Variants in EGFLAM observed in about 807,000 individuals in gnomAD.
EGFLAM encodes the protein pikachurin.
In EGFLAM, 79 loss-of-function variants were observed where a neutral mutation model predicts 113.1. That is an observed-to-expected ratio of 0.70 (90% confidence interval 0.58 to 0.84). The LOEUF is 0.84. EGFLAM is among the 40% of genes least tolerant of loss of function. The pLI, the probability that EGFLAM is intolerant of heterozygous loss-of-function variation, is 0.00. For synonymous variants in EGFLAM, 504 were observed against 487.6 expected, an observed-to-expected ratio of 1.03 and a Z score of -0.44; for missense variants, 1,265 against 1,291.6, an observed-to-expected ratio of 0.98 and a Z score of 0.32.
chr5:38,419,865 T>C (rs1038354737), intron 12 of EGFLAM, among the ~76,000 whole-genome samples: 6 of 151,802 alleles, frequency 4.0e-5, no homozygotes, highest in African/African-American at 1.5e-4. Context: ...CTGTCTCTAC[T>C]AAAATACAAA....
At chr5:38,451,599 G>A in intron 19 of EGFLAM, 141 bp downstream of exon 19, 2 of 1,253,408 alleles carry the variant, frequency 1.6e-6, no homozygotes, top group Non-Finnish European at 2.2e-6. Context: ...CTTATTGGAA[G>A]CTCCTGGTCT....
At chr5:38,337,145 A>G (rs781306867) in intron 1 of EGFLAM, among the ~76,000 whole-genome samples, 4 of 152,258 alleles carry the variant, frequency 2.6e-5, no homozygotes, top group Non-Finnish European at 4.4e-5. Context: ...TAAAACATAT[A>G]TGCTATTGAG....
chr5:38,413,917 C>G (rs982044199), intron 11 of EGFLAM, among the ~76,000 whole-genome samples: 1 of 152,166 alleles, frequency 6.6e-6, no homozygotes. Flanking sequence ...CCCTCGCATG[C>G]GCAGTTCACA....
chr5:38,294,542 T>A (rs1758408257), intron 1 of EGFLAM, among the ~76,000 whole-genome samples: 2 of 152,024 alleles, frequency 1.3e-5, no homozygotes, highest in Admixed American at 1.3e-4. Context: ...AATACACAGG[T>A]GTTGTATAAT....
chr5:38,415,838 T>C (rs55946607), intron 11 of EGFLAM, among the ~76,000 whole-genome samples: 23,208 of 152,104 alleles, frequency 0.15, 1,884 homozygotes, highest in East Asian at 0.25. Flanking sequence ...TCCTTCTTTA[T>C]GTGGCAGCAG....
intron 1 of EGFLAM, among the ~76,000 whole-genome samples, chr5:38,293,044 T>G (rs1758373001): frequency 6.6e-6 from 1 of 152,234 alleles, no homozygotes; most frequent in South Asian, 2.1e-4. Context: ...ATTGAGACTC[T>G]GACTCCATAT....
chr5:38,308,282 G>C (rs901888933), intron 1 of EGFLAM, among the ~76,000 whole-genome samples: 4 of 152,212 alleles, frequency 2.6e-5, no homozygotes, highest in Non-Finnish European at 5.9e-5. Context: ...TCCTTCACAG[G>C]GCTGTGGGGC....
In EGFLAM at chr5:38,259,945, A is replaced by G. The variant is rs189291671; in HGVS notation, c.97+1094A>G. Reference sequence around the variant, plus strand: ...TCGCATTGAAACTCTCTATCTGGAAATATGACTTGTTGCATTTCGGCTCTG... The same window carrying G: ...TCGCATTGAAACTCTCTATCTGGAAGTATGACTTGTTGCATTTCGGCTCTG... On this transcript the variant is annotated intron_variant, in intron 1 of 21. Transcript: ENST00000322350. 1.7e-3 allele frequency among the ~76,000 whole-genome samples: 260 copies of G among 152,332 alleles called. 1 individual carries two copies. Among genetic ancestry groups the G allele is most frequent in the African/African-American group, 6.2e-3 (256 of 41,580 alleles).
At chr5:38,351,651 G>A (rs912545240) in intron 4 of EGFLAM, among the ~76,000 whole-genome samples, 108 of 152,196 alleles carry the variant, frequency 7.1e-4, no homozygotes, top group African/African-American at 2.4e-3. Context: ...TGAAGTGATG[G>A]GATCATGGGT....
chr5:38,298,969 A>T (rs552278432), intron 1 of EGFLAM, among the ~76,000 whole-genome samples: 46 of 152,298 alleles, frequency 3.0e-4, no homozygotes, highest in Admixed American at 2.6e-3. Flanking sequence ...CTTACCTTGT[A>T]TTAGCTAACT....
At chr5:38,392,858 G>A (rs994896072) in intron 6 of EGFLAM, among the ~76,000 whole-genome samples, 4 of 151,842 alleles carry the variant, frequency 2.6e-5, no homozygotes, top group East Asian at 1.9e-4. Flanking sequence ...GACAGGCCCC[G>A]GTGTGTGATG....
intron 1 of EGFLAM, among the ~76,000 whole-genome samples, chr5:38,269,819 A>C (rs1039359647): frequency 1.3e-5 from 2 of 152,208 alleles, no homozygotes; most frequent in African/African-American, 4.8e-5. Context: ...AGCACTTCTA[A>C]AAATGATCTC....
intron 12 of EGFLAM, among the ~76,000 whole-genome samples, chr5:38,423,685 G>A (rs1741909300): frequency 6.6e-6 from 1 of 152,120 alleles, no homozygotes; most frequent in African/African-American, 2.4e-5. Flanking sequence ...TTAGGGCTGT[G>A]GCTGGAGACC....
chr5:38,322,090 G>A (rs1211011013), intron 1 of EGFLAM, among the ~76,000 whole-genome samples: 2 of 152,100 alleles, frequency 1.3e-5, no homozygotes, highest in African/African-American at 2.4e-5. Context: ...TCTGCCCCAG[G>A]CCTCACCCTG....
At chr5:38,343,399 T>A (rs2162813) in intron 3 of EGFLAM, among the ~76,000 whole-genome samples, 3 of 132,150 alleles carry the variant, frequency 2.3e-5, no homozygotes, top group East Asian at 2.1e-4. Flanking sequence ...AGAGTGAAAC[T>A]CCATCTCAAA....
At chr5:38,344,502 AAG>A (rs1321547790) in intron 3 of EGFLAM, among the ~76,000 whole-genome samples, 8 of 146,980 alleles carry the variant, frequency 5.4e-5, no homozygotes, top group Non-Finnish European at 1.2e-4. Flanking sequence ...AAAAAAAAAG[AAG>A]AGTCTCATCT....
intron 17 of EGFLAM, among the ~76,000 whole-genome samples, chr5:38,444,718 G>A (rs944213875): frequency 1.3e-5 from 2 of 152,208 alleles, no homozygotes; most frequent in African/African-American, 4.8e-5. Flanking sequence ...GCCCAGGCAG[G>A]TGGATCACCT....
At chr5:38,404,200 G>C (rs1008705532) in intron 6 of EGFLAM, among the ~76,000 whole-genome samples, 2 of 152,160 alleles carry the variant, frequency 1.3e-5, no homozygotes, top group African/African-American at 4.8e-5. Context: ...TTGCTATTCT[G>C]TTTGGAGGAG....
At chr5:38,275,518 AT>A (rs1757864689) in intron 1 of EGFLAM, among the ~76,000 whole-genome samples, 1 of 152,254 alleles carries the variant, frequency 6.6e-6, no homozygotes, top group Non-Finnish European at 1.5e-5. Flanking sequence ...GCAAGCGGAT[AT>A]AACAGTTGTA....
Sources: allele counts gnomAD v4.1 joint callset (sites outside exome capture counted in the v4.1 genomes callset), GRCh38; gene constraint gnomAD v4.1.1; transcripts MANE v1.5; gene names NCBI Gene and HGNC (gene_info 2026-07-23, HGNC 2026-07-21).